Variants in SNX9 observed in about 807,000 individuals in gnomAD.
The protein encoded by SNX9 is sorting nexin-9.
In SNX9, 44 loss-of-function variants were observed where a neutral mutation model predicts 89.4. The observed-to-expected ratio is 0.49, with a 90% CI of 0.39 to 0.63. SNX9 has a LOEUF of 0.63. Among genes scored for constraint, SNX9 ranks in the 30% least tolerant of loss-of-function variants. The pLI is 0.00. For missense variants in SNX9, 578 were observed against 736.1 expected (o/e 0.79, Z 2.49); for synonymous variants, 236 against 247.8 (o/e 0.95, Z 0.45).
chr6:157,838,391 T>G (rs1781627068), intron 1 of SNX9, among the ~76,000 whole-genome samples: 1 of 152,092 alleles, frequency 6.6e-6, no homozygotes, highest in Non-Finnish European at 1.5e-5. Context: ...TATTTTTCTA[T>G]CCAGAGAATT....
intron 1 of SNX9, among the ~76,000 whole-genome samples, chr6:157,855,481 G>A (rs1376925286): frequency 6.6e-6 from 1 of 152,148 alleles, no homozygotes; most frequent in Non-Finnish European, 1.5e-5. Flanking sequence ...CTGTTAGCGC[G>A]ATGTAAGGAT....
intron 4 of SNX9, among the ~76,000 whole-genome samples, chr6:157,878,589 C>T (rs1393679600): frequency 1.3e-5 from 2 of 152,018 alleles, no homozygotes; most frequent in East Asian, 3.9e-4. Flanking sequence ...CCCGCCACTA[C>T]GCCCAGGTAA....
At chr6:157,904,376 G>T (rs983499045) in intron 6 of SNX9, among the ~76,000 whole-genome samples, 1 of 152,136 alleles carries the variant, frequency 6.6e-6, no homozygotes, top group Non-Finnish European at 1.5e-5. Context: ...GGAGGTTGCA[G>T]TGAGCCGAGA....
intron 13 of SNX9, among the ~76,000 whole-genome samples, chr6:157,933,630 T>C (rs1332501760): frequency 6.6e-6 from 1 of 151,934 alleles, no homozygotes; most frequent in East Asian, 1.9e-4. Context: ...AGGTAACAAG[T>C]GGGTGATGGA....
rs1360328174 is a variant in SNX9 at position 157,925,251 on chromosome 6, G to GGGACAAACCCCCTCCATCAAGCCCTTT, written c.1081-1860_1081-1859insGGACAAACCCCCTCCATCAAGCCCTTT. ...GAATCAACAACAGATGTGTAGAAAAGTACCTAATCTCATTAGCAATCAATA... is the reference window on the plus strand; with the variant it reads ...GAATCAACAACAGATGTGTAGAAAAGGGACAAACCCCCTCCATCAAGCCCTTTTACCTAATCTCATTAGCAATCAATA... On this transcript the variant is annotated intron_variant, in intron 10 of 17. Transcript: ENST00000392185. 3.0e-3 allele frequency among the ~76,000 whole-genome samples: 461 copies of GGGACAAACCCCCTCCATCAAGCCCTTT among 151,878 alleles called. 1 individual carries two copies. Among genetic ancestry groups the GGGACAAACCCCCTCCATCAAGCCCTTT allele is most frequent in the African/African-American group, 0.011 (438 of 41,170 alleles).
chr6:157,891,935 A>G (rs1431133426), intron 4 of SNX9, among the ~76,000 whole-genome samples: 1 of 152,194 alleles, frequency 6.6e-6, no homozygotes. Context: ...GCACGAGGCA[A>G]AGTTGAGACC....
chr6:157,923,514 C>G (rs938095189), intron 10 of SNX9, among the ~76,000 whole-genome samples: 1 of 151,546 alleles, frequency 6.6e-6, no homozygotes, highest in Admixed American at 6.6e-5. Context: ...AAAAGATCTA[C>G]ATAGAAAACT....
chr6:157,890,916 G>A (rs1013113668), intron 4 of SNX9, among the ~76,000 whole-genome samples: 1 of 151,180 alleles, frequency 6.6e-6, no homozygotes, highest in Non-Finnish European at 1.5e-5. Flanking sequence ...TCTCATATTT[G>A]CCCATTCCTC....
intron 5 of SNX9, among the ~76,000 whole-genome samples, 195 bp from the exon 6 acceptor site, chr6:157,901,698 ATCTGT>A (rs1783100502): frequency 6.6e-6 from 1 of 152,092 alleles, no homozygotes; most frequent in Non-Finnish European, 1.5e-5. Flanking sequence ...CACTAAAAGA[ATCTGT>A]AATTCAAGGC....
At chr6:157,860,614 CG>C in intron 1 of SNX9, among the ~76,000 whole-genome samples, 1 of 152,176 alleles carries the variant, frequency 6.6e-6, no homozygotes, top group East Asian at 1.9e-4. Flanking sequence ...TTGTGTGCAC[CG>C]CATATAGAAG....
chr6:157,885,332 T>C (rs953931731), intron 4 of SNX9: 1 of 152,174 alleles, frequency 6.6e-6, no homozygotes, highest in Non-Finnish European at 1.5e-5. Flanking sequence ...CCACCAGTGG[T>C]TTTCTAACGT....
chr6:157,891,525 A>G (rs1782861307), intron 4 of SNX9, among the ~76,000 whole-genome samples: 2 of 152,326 alleles, frequency 1.3e-5, no homozygotes, highest in South Asian at 4.1e-4. Context: ...TAGAGGTCTG[A>G]CAAAGAGTAA....
At chr6:157,888,403 G>A (rs1782781003) in intron 4 of SNX9, among the ~76,000 whole-genome samples, 1 of 152,166 alleles carries the variant, frequency 6.6e-6, no homozygotes, top group South Asian at 2.1e-4. Context: ...ATGCATTGAA[G>A]ATAACCCATT....
At chr6:157,894,106 C>CTTTTCTTTTCTT (rs1484938597) in intron 4 of SNX9, among the ~76,000 whole-genome samples, 7 of 89,528 alleles carry the variant, frequency 7.8e-5, no homozygotes, top group African/African-American at 3.2e-4. Flanking sequence ...CTTTTCTTTT[C>CTTTTCTTTTCTT]TTTTTTTTTT....
intron 2 of SNX9, chr6:157,872,763 G>A (rs1782440458): frequency 6.0e-6 from 1 of 165,956 alleles, no homozygotes; most frequent in African/African-American, 2.4e-5. Flanking sequence ...TTCCAGGCCT[G>A]GGATGCGCAT....
chr6:157,826,653 T>A (rs1781350592), intron 1 of SNX9, among the ~76,000 whole-genome samples: 1 of 145,046 alleles, frequency 6.9e-6, no homozygotes, highest in African/African-American at 2.7e-5. Flanking sequence ...TTACAAATAT[T>A]AATACAAAAG....
intron 1 of SNX9, among the ~76,000 whole-genome samples, chr6:157,835,592 T>G (rs1781567496): frequency 6.6e-6 from 1 of 151,942 alleles, no homozygotes; most frequent in Non-Finnish European, 1.5e-5. Context: ...CATCTTGAAT[T>G]GTAATCGCTG....
At chr6:157,862,438 A>G (rs1019408781) in intron 1 of SNX9, among the ~76,000 whole-genome samples, 3 of 152,218 alleles carry the variant, frequency 2.0e-5, no homozygotes, top group Non-Finnish European at 4.4e-5. Flanking sequence ...TCTTTATGCA[A>G]AACTTCACTT....
intron 4 of SNX9, among the ~76,000 whole-genome samples, chr6:157,877,623 G>A (rs1782545369): frequency 2.0e-5 from 3 of 152,184 alleles, no homozygotes; most frequent in Admixed American, 2.0e-4. Flanking sequence ...GTAGGAAGAT[G>A]TGTGCTCTGA....
Sources: allele counts gnomAD v4.1 joint callset (sites outside exome capture counted in the v4.1 genomes callset), GRCh38; gene constraint gnomAD v4.1.1; transcripts MANE v1.5; gene names NCBI Gene and HGNC (gene_info 2026-07-23, HGNC 2026-07-21).